The following MEF2C variants were observed in gnomAD, a reference collection of about 807,000 sequenced individuals.
MEF2C encodes myocyte enhancer factor 2C, also known as myocyte-specific enhancer factor 2C.
A neutral mutation model predicts 50.5 loss-of-function variants in MEF2C; 6 were observed. That is an observed-to-expected ratio of 0.12 (90% CI 0.07 to 0.23). MEF2C has a LOEUF of 0.23. MEF2C is among the 10% of genes least tolerant of loss of function. MEF2C has a pLI of 1.00. For synonymous variants in MEF2C, 183 were observed against 228.0 expected (o/e 0.80, Z 1.78); for missense variants, 276 against 605.0 (o/e 0.46, Z 5.70).
At chr5:88,808,169 TTAATA>T (rs1801323703) in intron 2 of MEF2C, among the ~76,000 whole-genome samples, 1 of 152,196 alleles carries the variant, frequency 6.6e-6, no homozygotes, top group Non-Finnish European at 1.5e-5. Context: ...TAAATGTCTT[TTAATA>T]TTTCTTTTAG....
At chr5:88,807,368 C>CGTG (rs1268542059) in intron 2 of MEF2C, among the ~76,000 whole-genome samples, 1 of 152,046 alleles carries the variant, frequency 6.6e-6, no homozygotes, top group Admixed American at 6.5e-5. Flanking sequence ...GTACTACAGG[C>CGTG]GTGCACCAAC....
intron 5 of MEF2C, chr5:88,751,298 TTTAA>T (rs1452438230): frequency 4.6e-5 from 45 of 985,286 alleles, no homozygotes; most frequent in Non-Finnish European, 5.1e-5. Context: ...TGTACATGTG[TTTAA>T]TTAACTTCAT....
intron 9 of MEF2C, among the ~76,000 whole-genome samples, 185 bp downstream of exon 9, chr5:88,729,033 C>A (rs137930713): frequency 6.4e-4 from 98 of 152,238 alleles, no homozygotes; most frequent in African/African-American, 2.3e-3. Flanking sequence ...ATAAAACTTT[C>A]AGTCAGTTAA....
At chr5:88,886,109 T>G (rs72773822), upstream of MEF2C, among the ~76,000 whole-genome samples, 20,722 of 152,184 alleles carry the variant, frequency 0.14, 1,844 homozygotes, top group Non-Finnish European at 0.2. Flanking sequence ...CCTCAGCAGA[T>G]TTAGCTTCTT....
At chr5:88,782,247 C>T (rs1027007676) in intron 3 of MEF2C, 13 of 747,812 alleles carry the variant, frequency 1.7e-5, no homozygotes, top group Middle Eastern at 6.8e-4. Flanking sequence ...GTGGGAGGAT[C>T]ACTTGAGCCC....
chr5:88,717,973 A>C lies in MEF2C; in HGVS notation c.*4631T>G, dbSNP rs1755155334. On this transcript the variant is annotated 3_prime_UTR_variant, in exon 11 of 11. Transcript: ENST00000504921. ...ACAGGTTATCAAAGATCTTCATGGA[A>C]CTTCTTTGATAAAGAAGTTGAACCA... is the stretch of plus-strand genomic sequence containing the variant. 1 of 152,196 alleles carries C rather than the reference A, an allele frequency of 6.6e-6. No individual in the cohort carries two copies. The allele number at this position is 152,196 out of a possible 1,614,324, so 9.4% of individuals were successfully genotyped here.
intron 6 of MEF2C, chr5:88,739,769 A>C: frequency 1.0e-6 from 1 of 985,038 alleles, no homozygotes; most frequent in Non-Finnish European, 1.2e-6. Context: ...TTTACATTGA[A>C]TAGCTCTAAG....
chr5:88,902,757 G>T (rs1273061084), intron 1 of MEF2C, among the ~76,000 whole-genome samples: 3 of 151,564 alleles, frequency 2.0e-5, no homozygotes, highest in African/African-American at 7.3e-5. Flanking sequence ...ATATTGGTAG[G>T]AGTCTTTTCT....
intron 3 of MEF2C, among the ~76,000 whole-genome samples, chr5:88,799,903 CACACACACACAGAGAG>C (rs752033756): frequency 2.3e-4 from 22 of 94,876 alleles, no homozygotes; most frequent in African/African-American, 5.4e-4. Context: ...CACACACACA[CACACACACACAGAGAG>C]AGAGACACAC....
intron 3 of MEF2C, among the ~76,000 whole-genome samples, chr5:88,786,535 GC>G (rs1790996167): frequency 6.6e-6 from 1 of 152,056 alleles, no homozygotes; most frequent in Non-Finnish European, 1.5e-5. Context: ...CTTTTATTAA[GC>G]TTAAAGGCAA....
chr5:88,726,994 G>T lies in MEF2C; in HGVS notation c.1100+1499C>A, dbSNP rs1759106638. Among the ~76,000 whole-genome samples the T allele has an allele frequency of 3.3e-5, 5 of 152,196 alleles. No homozygotes were observed. In the South Asian group the frequency reaches 1.0e-3, roughly 32 times the overall value. On this transcript the variant is annotated intron_variant, in intron 10 of 10. Coordinates refer to ENST00000504921, the MANE Select transcript of MEF2C (RefSeq NM_002397.5). ...TGGATGAATTTTGTGAAAAAAATGG[G>T]AAATAAGCAGTTATGTTTATTTTTG...
intron 6 of MEF2C, chr5:88,737,880 G>A (rs1057014968): frequency 3.9e-5 from 38 of 985,114 alleles, no homozygotes; most frequent in Non-Finnish European, 4.2e-5. Flanking sequence ...TAGAAAATGA[G>A]TGCCTAAGAT....
intron 1 of MEF2C, among the ~76,000 whole-genome samples, chr5:88,899,074 C>CT (rs1255522677): frequency 6.6e-6 from 1 of 152,108 alleles, no homozygotes. Context: ...CCATTCAGTA[C>CT]TTTTTTGTCA....
chr5:88,724,500 G>A (rs983883865), intron 10 of MEF2C, among the ~76,000 whole-genome samples: 14 of 152,016 alleles, frequency 9.2e-5, no homozygotes, highest in African/African-American at 2.7e-4. Context: ...CTTAATAAGC[G>A]TCTCTTTCTC....
At chr5:88,843,657 A>G (rs779710676) in intron 1 of MEF2C, among the ~76,000 whole-genome samples, 4 of 152,306 alleles carry the variant, frequency 2.6e-5, no homozygotes, top group South Asian at 4.1e-4. Context: ...ATTGAAACAA[A>G]TATCTATGAC....
intron 1 of MEF2C, among the ~76,000 whole-genome samples, chr5:88,895,937 G>T (rs1441343783): frequency 1.3e-5 from 2 of 152,146 alleles, no homozygotes; most frequent in African/African-American, 2.4e-5. Flanking sequence ...TTTCTGAAAA[G>T]AATTCATAAT....
chr5:88,862,605 T>G (rs1248974390), intron 1 of MEF2C, among the ~76,000 whole-genome samples: 1 of 152,104 alleles, frequency 6.6e-6, no homozygotes, highest in Non-Finnish European at 1.5e-5. Flanking sequence ...TTGTAAGAGA[T>G]GTAAGTTGAA....
intron 2 of MEF2C, 42 bp downstream of exon 2, chr5:88,823,693 T>C: frequency 6.6e-7 from 1 of 1,517,370 alleles, no homozygotes; most frequent in Non-Finnish European, 9.1e-7. Context: ...GGAGAAAATA[T>C]AATTAATAAA....
At chr5:88,872,625 GATA>G (rs1301164118) in intron 1 of MEF2C, among the ~76,000 whole-genome samples, 1 of 151,956 alleles carries the variant, frequency 6.6e-6, no homozygotes, top group Non-Finnish European at 1.5e-5. Flanking sequence ...ACAATGCTAT[GATA>G]ATAATTTAAT....
Sources: allele counts gnomAD v4.1 joint callset (sites outside exome capture counted in the v4.1 genomes callset), GRCh38; gene constraint gnomAD v4.1.1; transcripts MANE v1.5; gene names NCBI Gene and HGNC (gene_info 2026-07-23, HGNC 2026-07-21).